Variants in WDR7 observed in about 807,000 individuals in gnomAD.
WDR7 encodes WD repeat-containing protein 7.
WDR7 carries 46 observed loss-of-function variants against 169.4 expected under a neutral mutation model. That is an observed-to-expected ratio of 0.27 (90% CI 0.21 to 0.35). The LOEUF is 0.35. Ranked by LOEUF, WDR7 falls within the 10% of genes least tolerant of loss-of-function variation. The pLI, the probability that WDR7 is intolerant of heterozygous loss-of-function variation, is 1.00. For synonymous variants in WDR7, 612 were observed against 666.8 expected (o/e 0.92, Z 1.27); for missense variants, 1,534 against 1,859.3 (o/e 0.83, Z 3.22).
In WDR7 at chr18:57,016,607, G is replaced by A. The variant is rs562659179; in HGVS notation, c.4165-4138G>A. Among the ~76,000 whole-genome samples the A allele has an allele frequency of 7.0e-4, 107 of 152,294 alleles. 1 individual carries two copies. Among genetic ancestry groups the A allele is most frequent in the South Asian group, 2.1e-3 (10 of 4,824 alleles). ...CTAGAAAGTCATGGCTTTTATTGACGCTGACCAAATCATTTTAGAAATTCT... is the reference window on the plus strand; with the variant it reads ...CTAGAAAGTCATGGCTTTTATTGACACTGACCAAATCATTTTAGAAATTCT... On this transcript the variant is annotated intron_variant, in intron 26 of 27. Coordinates refer to ENST00000254442, the MANE Select transcript of WDR7 (RefSeq NM_015285.3).
intron 26 of WDR7, among the ~76,000 whole-genome samples, chr18:56,972,068 A>G (rs2047496674): frequency 6.6e-6 from 1 of 152,216 alleles, no homozygotes; most frequent in Non-Finnish European, 1.5e-5. Context: ...GGGACTTAGC[A>G]AGGTATGAAA....
chr18:56,921,436 T>G (rs760032423), intron 21 of WDR7, among the ~76,000 whole-genome samples: 1 of 152,226 alleles, frequency 6.6e-6, no homozygotes, highest in Non-Finnish European at 1.5e-5. Flanking sequence ...TTATGTTACT[T>G]GGAGACTATA....
intron 21 of WDR7, among the ~76,000 whole-genome samples, chr18:56,880,933 A>G (rs2046098384): frequency 6.6e-6 from 1 of 152,230 alleles, no homozygotes; most frequent in South Asian, 2.1e-4. Context: ...AATTATTTCT[A>G]ATAAATTGTG....
At chr18:56,786,793 A>G (rs987169666) in intron 19 of WDR7, among the ~76,000 whole-genome samples, 4 of 151,986 alleles carry the variant, frequency 2.6e-5, no homozygotes, top group African/African-American at 4.8e-5. Flanking sequence ...TTATAGAAAT[A>G]TAATAATTCT....
intron 21 of WDR7, among the ~76,000 whole-genome samples, chr18:56,921,981 T>G (rs1410622721): frequency 6.6e-6 from 1 of 152,072 alleles, no homozygotes; most frequent in African/African-American, 2.4e-5. Flanking sequence ...AGATTGTACT[T>G]AGGAAACTTT....
intron 19 of WDR7, among the ~76,000 whole-genome samples, chr18:56,784,679 G>C (rs2044368708): frequency 6.6e-6 from 1 of 152,148 alleles, no homozygotes; most frequent in Non-Finnish European, 1.5e-5. Flanking sequence ...CAACAAAATG[G>C]AGTCACAAAA....
intron 26 of WDR7, among the ~76,000 whole-genome samples, chr18:57,009,161 T>G (rs2048105010): frequency 6.6e-6 from 1 of 152,232 alleles, no homozygotes. Context: ...TATTATGATT[T>G]TAATAGAAAA....
intron 20 of WDR7, among the ~76,000 whole-genome samples, chr18:56,853,505 G>T (rs570296547): frequency 6.6e-6 from 1 of 152,202 alleles, no homozygotes; most frequent in African/African-American, 2.4e-5. Context: ...TAAAGGTCTT[G>T]TTTTATTTTC....
chr18:56,682,471 A>T (rs1481446906), intron 4 of WDR7, among the ~76,000 whole-genome samples: 4 of 152,206 alleles, frequency 2.6e-5, no homozygotes, highest in Non-Finnish European at 4.4e-5. Context: ...AATTTTTGTT[A>T]GCTATTTAAA....
chr18:56,673,043 T>C (rs1210162108), intron 2 of WDR7, among the ~76,000 whole-genome samples: 1 of 152,114 alleles, frequency 6.6e-6, no homozygotes, highest in Admixed American at 6.6e-5. Context: ...AAAGTATAGA[T>C]TTTGTTGTAT....
At chr18:56,867,750 A>G (rs2045902281) in intron 20 of WDR7, among the ~76,000 whole-genome samples, 1 of 152,176 alleles carries the variant, frequency 6.6e-6, no homozygotes, top group Non-Finnish European at 1.5e-5. Context: ...TGAATGAGTT[A>G]GATATTCAGT....
intron 26 of WDR7, among the ~76,000 whole-genome samples, chr18:56,977,377 T>G (rs761725589): frequency 6.6e-6 from 1 of 152,212 alleles, no homozygotes; most frequent in African/African-American, 2.4e-5. Context: ...GAGTGCAGGA[T>G]AAGCCTTGGA....
chr18:56,748,164 A>G (rs2043734029), intron 14 of WDR7, among the ~76,000 whole-genome samples: 1 of 152,184 alleles, frequency 6.6e-6, no homozygotes, highest in African/African-American at 2.4e-5. Flanking sequence ...CTTACCAGTG[A>G]AAGGAATACT....
chr18:56,895,709 ATAAAAAT>A (rs201768579), intron 21 of WDR7, among the ~76,000 whole-genome samples: 1,559 of 151,964 alleles, frequency 0.01, 14 homozygotes, highest in Non-Finnish European at 0.013. Flanking sequence ...CCATGTACCC[ATAAAAAT>A]TAAAAATTAA....
rs1657391 is a variant in WDR7, at chr18:56,941,553, G to T, written c.4064+2160G>T. On this transcript the variant is annotated intron_variant, in intron 25 of 27. Transcript: ENST00000254442. ...TTGGTAAATGCTGTGTAGTAGAGTG[G>T]CTAGAACATAGGTTGAGGATAGGAG... is the stretch of plus-strand genomic sequence containing the variant. Among the ~76,000 whole-genome samples the T allele has an allele frequency of 9.9e-3, 1,506 of 152,294 alleles. 28 individuals carry two copies. Among genetic ancestry groups the T allele is most frequent in the African/African-American group, 0.035 (1,446 of 41,544 alleles).
chr18:56,944,222 G>C (rs2047071925), intron 25 of WDR7, among the ~76,000 whole-genome samples: 1 of 150,388 alleles, frequency 6.6e-6, no homozygotes, highest in African/African-American at 2.4e-5. Flanking sequence ...TTGATCTCTT[G>C]ACCTCATGAT....
intron 21 of WDR7, 143 bp from the exon 22 acceptor site, chr18:56,923,779 C>G: frequency 2.7e-6 from 2 of 738,060 alleles, no homozygotes; most frequent in Non-Finnish European, 4.1e-6. Flanking sequence ...ACCATTTATC[C>G]AAGATCTTGT....
chr18:56,959,680 C>T (rs79811599), intron 25 of WDR7, among the ~76,000 whole-genome samples: 5,247 of 152,166 alleles, frequency 0.034, 306 homozygotes, highest in African/African-American at 0.12. Flanking sequence ...ATTTTCATCC[C>T]GTAGGAAAAA....
At chr18:56,939,248 C>A in intron 24 of WDR7, 63 bp from the exon 25 acceptor site, 1 of 1,259,606 alleles carries the variant, frequency 7.9e-7, no homozygotes, top group Non-Finnish European at 1.1e-6. Context: ...CTAAATTAAT[C>A]ATTTACATTT....
Sources: gnomAD v4.1 joint callset for allele counts (sites outside exome capture counted in the v4.1 genomes callset) on GRCh38, gnomAD v4.1.1 for gene constraint, MANE v1.5 for transcripts, NCBI Gene and HGNC (gene_info 2026-07-23, HGNC 2026-07-21) for gene names.